The following CLSTN2 variants were observed in gnomAD, a reference collection of about 807,000 sequenced individuals.
The protein encoded by CLSTN2 is calsyntenin-2.
CLSTN2 carries 48 observed loss-of-function variants against 101.2 expected under a neutral mutation model. The observed-to-expected ratio is 0.47, with a 90% CI of 0.38 to 0.60. CLSTN2 has a LOEUF of 0.60. CLSTN2 is among the 20% of genes least tolerant of loss of function. The pLI, the probability that CLSTN2 is intolerant of heterozygous loss-of-function variation, is 0.00. For synonymous variants in CLSTN2, 481 were observed against 463.6 expected (o/e 1.04, Z -0.48); for missense variants, 1,160 against 1,238.2 (o/e 0.94, Z 0.95).
In CLSTN2 at chr3:140,118,958, A is replaced by G. The variant is rs180917280; in HGVS notation, c.110-56993A>G. Among the ~76,000 whole-genome samples the G allele has an allele frequency of 1.7e-4, 26 of 152,298 alleles. No individual in the cohort carries two copies. In the East Asian group the frequency reaches 5.0e-3, roughly 29 times the overall value. Reference sequence around the variant, plus strand: ...GCTGAAGGTGGGTAAGAAGCCCCAGATATTAGAAAAATAATAATAAAATAA... The same window carrying G: ...GCTGAAGGTGGGTAAGAAGCCCCAGGTATTAGAAAAATAATAATAAAATAA... On this transcript the variant is annotated intron_variant, in intron 1 of 16. Coordinates refer to ENST00000458420, the MANE Select transcript of CLSTN2 (RefSeq NM_022131.3).
intron 2 of CLSTN2, among the ~76,000 whole-genome samples, chr3:140,392,117 AATG>A (rs2088120779): frequency 6.6e-6 from 1 of 151,806 alleles, no homozygotes; most frequent in Non-Finnish European, 1.5e-5. Context: ...ATGAGCTTTT[AATG>A]ATATGTGCTG....
At chr3:140,139,707 T>A (rs535678158) in intron 1 of CLSTN2, among the ~76,000 whole-genome samples, 1 of 152,268 alleles carries the variant, frequency 6.6e-6, no homozygotes, top group Non-Finnish European at 1.5e-5. Flanking sequence ...CCAGTGTATA[T>A]TGAATGCCTG....
chr3:140,052,133 T>C (rs2107768797), intron 1 of CLSTN2, among the ~76,000 whole-genome samples: 1 of 152,296 alleles, frequency 6.6e-6, no homozygotes, highest in East Asian at 1.9e-4. Context: ...TGGGCTCTTC[T>C]TTTTCTCAAA....
At chr3:140,335,029 G>T (rs1053203116) in intron 2 of CLSTN2, among the ~76,000 whole-genome samples, 2 of 152,218 alleles carry the variant, frequency 1.3e-5, no homozygotes, top group Non-Finnish European at 2.9e-5. Context: ...AATGGCAAAG[G>T]GGGGCTTTTA....
intron 1 of CLSTN2, among the ~76,000 whole-genome samples, chr3:140,115,176 G>T (rs760918894): frequency 2.6e-5 from 4 of 152,206 alleles, no homozygotes; most frequent in Non-Finnish European, 4.4e-5. Flanking sequence ...CTGTGAGCAA[G>T]TGAGGGGGAG....
chr3:140,513,624 T>C (rs1215901855), intron 8 of CLSTN2, among the ~76,000 whole-genome samples: 2 of 149,124 alleles, frequency 1.3e-5, no homozygotes, highest in African/African-American at 5.0e-5. Context: ...TGCCAGATTT[T>C]GATATCAGGA....
chr3:140,467,204 A>G (rs1278760770), intron 8 of CLSTN2, among the ~76,000 whole-genome samples: 1 of 152,154 alleles, frequency 6.6e-6, no homozygotes, highest in Non-Finnish European at 1.5e-5. Flanking sequence ...TCTTTTCTGA[A>G]GTGGAAAAAT....
chr3:140,298,576 C>T (rs999931311), intron 2 of CLSTN2, among the ~76,000 whole-genome samples: 2 of 152,126 alleles, frequency 1.3e-5, no homozygotes, highest in Non-Finnish European at 2.9e-5. Context: ...GGGTTTGTCC[C>T]CCAGGAACAC....
At chr3:140,564,297 C>T (rs1935989638) in intron 16 of CLSTN2, 152 bp downstream of exon 16, 7 of 651,594 alleles carry the variant, frequency 1.1e-5, no homozygotes, top group South Asian at 1.9e-5. Flanking sequence ...TGTCTCTGAG[C>T]TCCTCTAGCC....
intron 2 of CLSTN2, among the ~76,000 whole-genome samples, chr3:140,362,875 G>A (rs576917711): frequency 9.2e-5 from 14 of 152,098 alleles, no homozygotes; most frequent in African/African-American, 3.1e-4. Flanking sequence ...TTTCTTGGTG[G>A]GGGTGGAAGA....
intron 4 of CLSTN2, among the ~76,000 whole-genome samples, chr3:140,414,384 C>T (rs899808722): frequency 6.6e-6 from 1 of 151,804 alleles, no homozygotes; most frequent in African/African-American, 2.4e-5. Flanking sequence ...TGAAAGAAAA[C>T]GTAGAAGACA....
chr3:140,443,069 T>C (rs1932995241), intron 5 of CLSTN2, among the ~76,000 whole-genome samples: 1 of 152,256 alleles, frequency 6.6e-6, no homozygotes, highest in African/African-American at 2.4e-5. Flanking sequence ...GAACAATCCC[T>C]GTTCTGGGGT....
intron 2 of CLSTN2, among the ~76,000 whole-genome samples, chr3:140,320,732 A>C (rs932006913): frequency 6.6e-6 from 1 of 152,330 alleles, no homozygotes; most frequent in South Asian, 2.1e-4. Context: ...TACAGGAACA[A>C]GTTCATTGTT....
At chr3:140,308,494 T>C (rs955826760) in intron 2 of CLSTN2, among the ~76,000 whole-genome samples, 4 of 152,260 alleles carry the variant, frequency 2.6e-5, no homozygotes, top group African/African-American at 4.8e-5. Context: ...GTGGTGTTTA[T>C]GGAGGAATCT....
In CLSTN2 at chr3:140,251,142, C is replaced by T. The variant is rs146306335; in HGVS notation, c.232+75069C>T. 2.6e-3 allele frequency among the ~76,000 whole-genome samples: 396 copies of T among 152,202 alleles called. 3 individuals carry two copies. The highest frequency in any genetic ancestry group is 0.019 in the Admixed American group (287 of 15,280). ...CATCTTCTCTGGCTGGCTTTCTCTGCGTCTATCCTTGTAGACATCTCTATT... is the reference window on the plus strand; with the variant it reads ...CATCTTCTCTGGCTGGCTTTCTCTGTGTCTATCCTTGTAGACATCTCTATT... On this transcript the variant is annotated intron_variant, in intron 2 of 16. Coordinates refer to ENST00000458420, the MANE Select transcript of CLSTN2 (RefSeq NM_022131.3).
intron 2 of CLSTN2, among the ~76,000 whole-genome samples, chr3:140,266,916 G>A (rs546946781): frequency 2.0e-5 from 3 of 152,300 alleles, no homozygotes; most frequent in Admixed American, 6.5e-5. Flanking sequence ...TTGTTGTCTG[G>A]AATGCTTTGT....
intron 2 of CLSTN2, among the ~76,000 whole-genome samples, chr3:140,190,690 TG>T (rs2010554319): frequency 6.6e-6 from 1 of 152,184 alleles, no homozygotes; most frequent in African/African-American, 2.4e-5. Context: ...TAAATAGTAT[TG>T]TATTTTTAAT....
intron 1 of CLSTN2, among the ~76,000 whole-genome samples, chr3:140,090,176 C>T (rs183697409): frequency 2.9e-4 from 38 of 132,002 alleles, no homozygotes; most frequent in African/African-American, 4.5e-4. Flanking sequence ...GGCATCTTCC[C>T]GGCTGAAGGG....
chr3:140,399,988 C>T (rs530720529), intron 2 of CLSTN2, among the ~76,000 whole-genome samples: 123 of 151,698 alleles, frequency 8.1e-4, no homozygotes, highest in Non-Finnish European at 1.2e-3. Context: ...AGCAATGAGT[C>T]GTCTGATCTT....
Sources: allele counts gnomAD v4.1 joint callset (sites outside exome capture counted in the v4.1 genomes callset), GRCh38; gene constraint gnomAD v4.1.1; transcripts MANE v1.5; gene names NCBI Gene and HGNC (gene_info 2026-07-23, HGNC 2026-07-21).